Variants in COG8 observed in about 807,000 individuals in gnomAD.
The protein encoded by COG8 is conserved oligomeric Golgi complex subunit 8.
Under a neutral mutation model 46.5 loss-of-function variants are expected in COG8, and 45 were observed. The observed-to-expected ratio is 0.97, with a 90% confidence interval of 0.76 to 1.24. The LOEUF (loss-of-function observed/expected upper bound fraction) is 1.24. COG8 is among the 50% of genes most tolerant of loss of function. The pLI is 0.00. For missense variants in COG8, 793 were observed against 820.8 expected (o/e 0.97, Z 0.41); for synonymous variants, 407 against 347.8 (o/e 1.17, Z -1.90).
chr16:69,330,996 GTCTC>G lies in COG8; in HGVS notation c.1678_1681del (p.Glu560ArgfsTer114). 9 of 1,610,142 alleles carry G rather than the reference GTCTC, an allele frequency of 5.6e-6. No homozygotes were observed. Among genetic ancestry groups the G allele is most frequent in the East Asian group, 2.2e-5 (1 of 44,814 alleles). ...CGCCTGGTCATCCAGGGTGAAAAGC[GTCTC>G]TCTCTTTGGCAGGATAAAGGCGAGG... is the stretch of plus-strand genomic sequence containing the variant. On this transcript the variant is annotated frameshift_variant, in exon 5 of 6. Coordinates refer to ENST00000306875, the MANE Select transcript of COG8 (RefSeq NM_032382.5). LOFTEE classifies it high-confidence loss of function.
In COG8 at chr16:69,326,900, A is replaced by T. The variant is rs1278060703; in HGVS notation, c.*2306T>A. 6.6e-6 allele frequency: 1 copy of T among 152,076 alleles called. No homozygotes were observed. The highest frequency in any genetic ancestry group is 1.5e-5 in the Non-Finnish European group (1 of 68,022). The allele number at this position is 152,076 out of a possible 1,614,324, so 9.4% of individuals were successfully genotyped here. A position where few individuals can be genotyped will look rare whatever the true frequency, so the allele number is the denominator to read the frequency against. On this transcript the variant is annotated 3_prime_UTR_variant, in exon 6 of 6. Transcript: ENST00000306875. ...GTGCTTCCTGCTCAAAGTGGGAGAG[A>T]TTTTACTGGAAATGCAATAAAGTTT...
chr16:69,329,896 G>A, intron 5 of COG8: 2 of 1,348,196 alleles, frequency 1.5e-6, no homozygotes, highest in Non-Finnish European at 1.9e-6. Flanking sequence ...GCTCCTGCGG[G>A]AGGTCCGGCG....
chr16:69,339,099 A>C (rs1325074683), intron 1 of COG8, 77 bp downstream of exon 1: 9 of 1,598,824 alleles, frequency 5.6e-6, no homozygotes, highest in Non-Finnish European at 7.7e-6. Flanking sequence ...TAAACGCTTT[A>C]TGTGTTAGTT....
Position 69,330,178 on chromosome 16 carries a change from CA to C in COG8, c.*26+634del, listed in dbSNP as rs759389027. Reference sequence around the variant, plus strand: ...GCTGGCGGGGCGGGCACTCCCGACACAGCGCCTCGGGGAGCTCCAGCGCCAG... The same window carrying C: ...GCTGGCGGGGCGGGCACTCCCGACACGCGCCTCGGGGAGCTCCAGCGCCAG... On this transcript the variant is annotated intron_variant, in intron 5 of 5. Transcript: ENST00000306875. 7.9e-5 allele frequency: 119 copies of C among 1,510,522 alleles called. 2 individuals carry two copies. The South Asian group carries it at 1.5e-3, about 19-fold the overall frequency. 93.6% of individuals were successfully genotyped at this position (1,510,522 alleles called of 1,614,324 possible).
chr16:69,330,267 C>T lies in COG8; in HGVS notation c.*26+546G>A, dbSNP rs759564877. On this transcript the variant is annotated intron_variant, in intron 5 of 5. Coordinates refer to ENST00000306875, the MANE Select transcript of COG8 (RefSeq NM_032382.5). ...CCCACGCAGCGCCGCCGCCGCATCA[C>T]CTGGACCAGCCGTTGCGTCAGCCGC... The T allele has an allele frequency of 2.4e-5, 34 of 1,436,654 alleles. 2 individuals carry two copies. The South Asian group carries it at 4.6e-4, about 20-fold the overall frequency. 89.0% of individuals were successfully genotyped at this position (1,436,654 alleles called of 1,614,324 possible).
In COG8 at chr16:69,328,074, A is replaced by G. The variant is rs1206308300; in HGVS notation, c.*1132T>C. Reference sequence around the variant, plus strand: ...AGTAATTCTCTGCCTTGGCTTCACGAGTAGCTGGGATTACAGGTGCTCGCC... The same window carrying G: ...AGTAATTCTCTGCCTTGGCTTCACGGGTAGCTGGGATTACAGGTGCTCGCC... On this transcript the variant is annotated 3_prime_UTR_variant, in exon 6 of 6. Coordinates refer to ENST00000306875, the MANE Select transcript of COG8 (RefSeq NM_032382.5). 2 of 152,086 alleles carry G rather than the reference A, an allele frequency of 1.3e-5. No individual in the cohort carries two copies. The highest frequency in any genetic ancestry group is 6.6e-5 in the Admixed American group (1 of 15,244). 9.4% of individuals were successfully genotyped at this position (152,086 alleles called of 1,614,324 possible). A position where few individuals can be genotyped will look rare whatever the true frequency, so the allele number is the denominator to read the frequency against.
In COG8 at chr16:69,336,594, C is replaced by T; in HGVS notation, c.496G>A (p.Val166Ile). Residue 166 changes from valine (V) to isoleucine (I), a missense_variant, in exon 2 of 6, where the codon GTC (valine) becomes ATC (isoleucine). Val to Ile is a conservative substitution (Grantham distance 29). Coordinates refer to ENST00000306875, the MANE Select transcript of COG8 (RefSeq NM_032382.5). ...GCCTCTTCATAATAACTGTTCCGGA[C>T]ACAGGTGTCCATGAGCTGAGGAATC... Reference protein sequence around the residue: ...LEIPQLMDTCVRNSYYEEALE... With the variant: ...LEIPQLMDTCIRNSYYEEALE... 1 of 1,614,184 alleles carries T rather than the reference C, an allele frequency of 6.2e-7. No individual in the cohort carries two copies. Among genetic ancestry groups the T allele is most frequent in the Non-Finnish European group, 8.5e-7 (1 of 1,180,046 alleles).
chr16:69,333,007 T>A, intron 3 of COG8, 125 bp from the exon 4 acceptor site: 3 of 826,376 alleles, frequency 3.6e-6, no homozygotes, highest in Non-Finnish European at 6.1e-6. Flanking sequence ...TAACAGTACA[T>A]TATTTTACTG....
At chr16:69,337,243 T>G (rs1215721904) in intron 1 of COG8, among the ~76,000 whole-genome samples, 1 of 143,404 alleles carries the variant, frequency 7.0e-6, no homozygotes, top group Non-Finnish European at 1.5e-5. Context: ...ATGGCGCCAC[T>G]GCACTGCAGC....
chr16:69,337,692 C>T (rs1271039878), intron 1 of COG8, among the ~76,000 whole-genome samples: 1 of 151,020 alleles, frequency 6.6e-6, no homozygotes, highest in East Asian at 1.9e-4. Context: ...GGCTGGAAGG[C>T]AGAACTAGGG....
In COG8 at chr16:69,334,951, T is replaced by C; in HGVS notation, c.983A>G (p.Gln328Arg). The change falls in exon 3 of 6, where the codon CAG becomes CGG. Residue 328 changes from glutamine to arginine, a missense_variant. Physicochemically the swap from Gln to Arg is conservative, Grantham distance 43. Transcript: ENST00000306875. ...CCGGTAAAGGTCGGTCTCCAGCACC[T>C]GCAGGAATTGTGAGACCTTCTGTAG... ...WVLQKVSQFLQVLETDLYRGI... is the reference protein window; with the variant it reads ...WVLQKVSQFLRVLETDLYRGI... 6.2e-7 allele frequency: 1 copy of C among 1,614,128 alleles called. No individual in the cohort carries two copies. Among genetic ancestry groups the C allele is most frequent in the Non-Finnish European group, 8.5e-7 (1 of 1,180,022 alleles).
At chr16:69,330,628 C>A in intron 5 of COG8, 185 bp downstream of exon 5, 7 of 1,406,328 alleles carry the variant, frequency 5.0e-6, no homozygotes, top group Non-Finnish European at 6.4e-6. Flanking sequence ...CGGGGCACGC[C>A]GGGAAGCGCC....
At position 69,336,687 on chromosome 16, in the gene COG8, T is replaced by G; in HGVS notation, c.403A>C (p.Ile135Leu). ...CTATTCATCCGGCGGTTGGAGCTGA[T>G]CTCCTCGGCTTCCTTCACAAAGTTC... is the stretch of plus-strand genomic sequence containing the variant. ...CRNFVKEAEE[I>L]SSNRRMNSLT... The change falls in exon 2 of 6, where the codon ATC becomes CTC. Residue 135 changes from isoleucine (I) to leucine (L), a missense_variant. Transcript: ENST00000306875. The G allele has an allele frequency of 6.2e-7, 1 of 1,614,070 alleles. No homozygotes were observed. The highest frequency in any genetic ancestry group is 8.5e-7 in the Non-Finnish European group (1 of 1,180,014).
intron 3 of COG8, among the ~76,000 whole-genome samples, chr16:69,333,492 G>A (rs770216200): frequency 3.9e-5 from 6 of 152,078 alleles, no homozygotes; most frequent in Non-Finnish European, 7.4e-5. Flanking sequence ...TAACTTCCAC[G>A]GAGGACCAAC....
chr16:69,336,901 C>T (rs371135303), intron 1 of COG8, among the ~76,000 whole-genome samples, 189 bp from the exon 2 acceptor site: 1 of 152,098 alleles, frequency 6.6e-6, no homozygotes, highest in East Asian at 1.9e-4. Context: ...GCAACTTGTC[C>T]AAAAACATAC....
At chr16:69,332,549 G>A (rs1233347560) in intron 4 of COG8, 165 bp downstream of exon 4, 9 of 740,490 alleles carry the variant, frequency 1.2e-5, no homozygotes, top group South Asian at 3.1e-5. Context: ...GGATGCTGTC[G>A]AGGAATGACT....
chr16:69,330,218 A>T, intron 5 of COG8: 1 of 1,450,874 alleles, frequency 6.9e-7, no homozygotes, highest in South Asian at 1.4e-5. Flanking sequence ...CTGCCGCGGC[A>T]CCCCCAGCTG....
intron 2 of COG8, among the ~76,000 whole-genome samples, chr16:69,336,298 T>C (rs1311157843): frequency 6.6e-6 from 1 of 152,222 alleles, no homozygotes; most frequent in Non-Finnish European, 1.5e-5. Flanking sequence ...ACCACTTTAT[T>C]CACACTGTAT....
intron 5 of COG8, among the ~76,000 whole-genome samples, chr16:69,329,552 C>T (rs1965717385): frequency 6.6e-6 from 1 of 152,218 alleles, no homozygotes; most frequent in Admixed American, 6.5e-5. Context: ...CTTGAACCGA[C>T]GGGCTTGCTG....
Sources: gnomAD v4.1 joint callset for allele counts (sites outside exome capture counted in the v4.1 genomes callset) on GRCh38, gnomAD v4.1.1 for gene constraint, MANE v1.5 for transcripts, NCBI Gene and HGNC (gene_info 2026-07-23, HGNC 2026-07-21) for gene names.